The following MAST3 variants were observed in gnomAD, a reference collection of about 807,000 sequenced individuals.
The protein encoded by MAST3 is microtubule-associated serine/threonine-protein kinase 3.
In MAST3, 43 loss-of-function variants were observed where a neutral mutation model predicts 127.0. That is an observed-to-expected ratio of 0.34 (90% CI 0.27 to 0.44). The LOEUF is 0.44. Among genes scored for constraint, MAST3 ranks in the 20% least tolerant of loss-of-function variants. The pLI is 1.00. For synonymous variants in MAST3, 785 were observed against 809.2 expected (o/e 0.97, Z 0.51); for missense variants, 1,390 against 1,919.1 (o/e 0.72, Z 5.15).
intron 8 of MAST3, 129 bp downstream of exon 8, chr19:18,123,784 C>T (rs1364599507): frequency 2.8e-6 from 3 of 1,069,662 alleles, no homozygotes; most frequent in Non-Finnish European, 2.6e-6. Context: ...CTTCCCCTTC[C>T]GTTGAAAGAT....
intron 25 of MAST3, among the ~76,000 whole-genome samples, chr19:18,146,661 G>A (rs1419219155): frequency 2.0e-5 from 3 of 152,106 alleles, no homozygotes; most frequent in Admixed American, 1.3e-4. Context: ...GGCCTCGATC[G>A]GCGTTGACCG....
intron 3 of MAST3, chr19:18,118,042 C>G (rs901974829): frequency 4.1e-5 from 38 of 920,602 alleles, no homozygotes; most frequent in African/African-American, 5.4e-5. Flanking sequence ...TCGCCGCCCC[C>G]CCATCCCCGC....
intron 21 of MAST3, 48 bp downstream of exon 21, chr19:18,142,063 G>A: frequency 8.1e-6 from 11 of 1,362,554 alleles, no homozygotes; most frequent in Admixed American, 2.9e-5. Context: ...CAAGCCTGCT[G>A]GGAGGTAGAG....
At chr19:18,120,487 C>T (rs1271010204) in intron 3 of MAST3, among the ~76,000 whole-genome samples, 2 of 152,150 alleles carry the variant, frequency 1.3e-5, no homozygotes, top group African/African-American at 4.8e-5. Flanking sequence ...AGGCTAGAAG[C>T]ACTTCATGCC....
chr19:18,126,361 G>A (rs1278665801), intron 11 of MAST3, among the ~76,000 whole-genome samples: 2 of 152,194 alleles, frequency 1.3e-5, no homozygotes, highest in Admixed American at 1.3e-4. Flanking sequence ...CTGAGGCCTG[G>A]AGGGCAGGAG....
chr19:18,132,087 G>T (rs1390845242), intron 15 of MAST3, 40 bp downstream of exon 15: 1 of 1,608,614 alleles, frequency 6.2e-7, no homozygotes, highest in African/African-American at 1.3e-5. Context: ...GCGGAGGGCG[G>T]GGCCAGAGAG....
At chr19:18,114,150 A>G (rs1393798855) in intron 3 of MAST3, among the ~76,000 whole-genome samples, 1 of 149,692 alleles carries the variant, frequency 6.7e-6, no homozygotes, top group African/African-American at 2.5e-5. Context: ...TATGCATTAT[A>G]CCTGTCCATT....
chr19:18,135,737 T>C lies in MAST3; in HGVS notation c.1871-3T>C. On this transcript the variant is annotated splice_polypyrimidine_tract_variant and splice_region_variant and intron_variant, in intron 17 of 27. Transcript: ENST00000687212. ...CTCATTTTACCTCCCTCCCTCATTT[T>C]AGATGAGATCATGTGGCCAGAGGGA... 4.4e-6 allele frequency: 7 copies of C among 1,607,926 alleles called. No individual in the cohort carries two copies. Among genetic ancestry groups the C allele is most frequent in the Non-Finnish European group, 6.0e-6 (7 of 1,176,284 alleles).
At chr19:18,109,930 A>T in intron 2 of MAST3, 1 of 984,590 alleles carries the variant, frequency 1.0e-6, no homozygotes, top group South Asian at 4.7e-5. Context: ...GGGCGGGGAG[A>T]GGCGGGGTCA....
At chr19:18,107,481 T>A (rs2038166283) in intron 1 of MAST3, 106 bp from the exon 2 acceptor site, 1 of 1,108,700 alleles carries the variant, frequency 9.0e-7, no homozygotes, top group African/African-American at 1.5e-5. Flanking sequence ...GCGGGAAAGA[T>A]GCATTGGTTG....
chr19:18,100,124 C>CTTTTTTTTTTT, intron 1 of MAST3, among the ~76,000 whole-genome samples: 5 of 94,946 alleles, frequency 5.3e-5, no homozygotes, highest in African/African-American at 1.7e-4. Context: ...CTCTCTCTCT[C>CTTTTTTTTTTT]TCTCTTTTTT....
At position 18,110,692 on chromosome 19, in the gene MAST3, A is replaced by G. The variant is rs1260706833; in HGVS notation, c.112A>G (p.Ser38Gly). Residue 38 changes from serine to glycine, a missense_variant, in exon 3 of 28, where the codon AGC (serine) becomes GGC (glycine). Around this residue, in one of 5 missense-constraint regions of MAST3, gnomAD observed 61 missense variants for 78.2 expected, o/e 0.78. Coordinates refer to ENST00000687212, the MANE Select transcript of MAST3 (RefSeq NM_001393504.1). The surrounding 1 kb of genome is among the most constrained non-coding windows in gnomAD (Gnocchi z 4.3). The stretch of plus-strand genomic sequence containing the variant: ...CCAGAGCCCGTCCCTGCTGGGTCCC[A>G]GCAGCCCCTGCAGCCCCTGTAGCCC... ...SSQSPSLLGPSSPCSPCSPSL... is the reference protein window; with the variant it reads ...SSQSPSLLGPGSPCSPCSPSL... 5 of 985,902 alleles carry G rather than the reference A, an allele frequency of 5.1e-6. No homozygotes were observed. Among genetic ancestry groups the G allele is most frequent in the Non-Finnish European group, 6.0e-6 (5 of 830,004 alleles). The allele number at this position is 985,902 out of a possible 1,614,324, so 61.1% of individuals were successfully genotyped here. A position where few individuals can be genotyped will look rare whatever the true frequency, so the allele number is the denominator to read the frequency against.
chr19:18,118,051 G>C (rs2147096170), intron 3 of MAST3: 1 of 967,236 alleles, frequency 1.0e-6, no homozygotes. Flanking sequence ...CCCCATCCCC[G>C]CAGCCCCGTG....
intron 13 of MAST3, 40 bp downstream of exon 13, chr19:18,128,991 C>A (rs1290197834): frequency 1.3e-6 from 2 of 1,561,714 alleles, no homozygotes; most frequent in African/African-American, 2.7e-5. Flanking sequence ...TTCACAGATG[C>A]CTGAGGGGAT....
At chr19:18,138,305 CT>C (rs1387653645) in intron 19 of MAST3, among the ~76,000 whole-genome samples, 1 of 137,554 alleles carries the variant, frequency 7.3e-6, no homozygotes, top group African/African-American at 2.7e-5. Context: ...ATTCCCGCCC[CT>C]GGTCCCACAA....
At chr19:18,118,926 T>C (rs1021243470) in intron 3 of MAST3, among the ~76,000 whole-genome samples, 1 of 152,160 alleles carries the variant, frequency 6.6e-6, no homozygotes, top group African/African-American at 2.4e-5. Flanking sequence ...CCTTGAATGC[T>C]GAGTCCAGGG....
chr19:18,109,793 C>A (rs1021586105), intron 2 of MAST3, among the ~76,000 whole-genome samples: 1 of 152,134 alleles, frequency 6.6e-6, no homozygotes, highest in African/African-American at 2.4e-5. Context: ...TGCGGAGACC[C>A]GAGCGGGTTA....
intron 18 of MAST3, 124 bp from the exon 19 acceptor site, chr19:18,137,114 GC>G (rs1204728043): frequency 2.4e-5 from 29 of 1,219,106 alleles, no homozygotes; most frequent in Non-Finnish European, 3.1e-5. Flanking sequence ...GAGCCACTGC[GC>G]CCGGCCCATT....
At chr19:18,108,659 T>C (rs1276955079) in intron 2 of MAST3, among the ~76,000 whole-genome samples, 1 of 152,182 alleles carries the variant, frequency 6.6e-6, no homozygotes, top group Non-Finnish European at 1.5e-5. Context: ...TGAGCCACCA[T>C]GCCCAGTCTA....
Sources: gnomAD v4.1 joint callset for allele counts (sites outside exome capture counted in the v4.1 genomes callset) on GRCh38, gnomAD v4.1.1 for gene constraint, gnomAD v4.1.1 regional missense constraint, Gnocchi (gnomAD v3.1) non-coding constraint, MANE v1.5 for transcripts, NCBI Gene and HGNC (gene_info 2026-07-23, HGNC 2026-07-21) for gene names.